BNC2: variants seen among roughly 807,000 people sequenced by gnomAD.
BNC2 encodes the protein zinc finger protein basonuclin-2.
A neutral mutation model predicts 76.3 loss-of-function variants in BNC2; 20 were observed. That is an observed-to-expected ratio of 0.26 (90% CI 0.18 to 0.38). BNC2 has a LOEUF of 0.38. Among genes scored for constraint, BNC2 ranks in the 10% least tolerant of loss-of-function variants. BNC2 has a pLI of 1.00. For synonymous variants in BNC2, 582 were observed against 514.8 expected, an observed-to-expected ratio of 1.13 and a Z score of -1.77; for missense variants, 1,382 against 1,399.8, an observed-to-expected ratio of 0.99 and a Z score of 0.20.
intron 5 of BNC2, among the ~76,000 whole-genome samples, chr9:16,454,943 G>T (rs575450085): frequency 7.9e-5 from 12 of 152,110 alleles, no homozygotes; most frequent in African/African-American, 2.9e-4. Context: ...AGTTTTAAGG[G>T]CAAAAACTTA....
chr9:16,619,695 G>T (rs1004425418), intron 3 of BNC2, among the ~76,000 whole-genome samples: 6 of 152,080 alleles, frequency 3.9e-5, no homozygotes, highest in Non-Finnish European at 8.8e-5. Flanking sequence ...TAATACTTTT[G>T]ACTTACCAGA....
At position 16,418,985 on chromosome 9, in the gene BNC2, G is replaced by A. The variant is rs576883733; in HGVS notation, c.*4C>T. The A allele has an allele frequency of 1.9e-6, 3 of 1,613,968 alleles. No homozygotes were observed. The highest frequency in any genetic ancestry group is 2.2e-5 in the East Asian group (1 of 44,824). Reference sequence around the variant, plus strand: ...AGCTGGCATTTGTAGTGTCCATTCTGAGACTAATCTACTGAAGTGAAGGGA... The same window carrying A: ...AGCTGGCATTTGTAGTGTCCATTCTAAGACTAATCTACTGAAGTGAAGGGA... On this transcript the variant is annotated 3_prime_UTR_variant, in exon 7 of 7. Transcript: ENST00000380672.
chr9:16,864,020 T>C (rs886888480), intron 1 of BNC2, among the ~76,000 whole-genome samples: 2 of 152,178 alleles, frequency 1.3e-5, no homozygotes, highest in African/African-American at 4.8e-5. Context: ...AAAAGGTAAT[T>C]CTCTTCATCT....
rs371764093 is a variant in BNC2, at chr9:16,486,672, G to T, written c.670-49148C>A. 3.9e-5 allele frequency among the ~76,000 whole-genome samples: 6 copies of T among 151,990 alleles called. No individual in the cohort carries two copies. In the East Asian group the frequency reaches 1.2e-3, roughly 30 times the overall value. Reference sequence around the variant, plus strand: ...CTTTCTGTTCTTTAAAGTTCTCCTGGGTTTCTATAGGGATGCAAATTATTA... The same window carrying T: ...CTTTCTGTTCTTTAAAGTTCTCCTGTGTTTCTATAGGGATGCAAATTATTA... On this transcript the variant is annotated intron_variant, in intron 5 of 6. Coordinates refer to ENST00000380672, the MANE Select transcript of BNC2 (RefSeq NM_017637.6).
chr9:16,743,468 C>A (rs7857721), intron 1 of BNC2, among the ~76,000 whole-genome samples: 137,747 of 152,258 alleles, frequency 0.9, 62,333 homozygotes, highest in Non-Finnish European at 0.92. Context: ...TTTCTTCAGA[C>A]GGAGTTATTT....
chr9:16,732,162 A>AAAAAAAAGAAAAAAG (rs59888253), intron 2 of BNC2, among the ~76,000 whole-genome samples: 4 of 123,588 alleles, frequency 3.2e-5, no homozygotes, highest in Non-Finnish European at 5.1e-5. Flanking sequence ...TCCTGCAAAA[A>AAAAAAAAGAAAAAAG]AAAAAGAAAA....
intron 4 of BNC2, among the ~76,000 whole-genome samples, chr9:16,564,991 A>G (rs1819128081): frequency 6.6e-6 from 1 of 150,980 alleles, no homozygotes; most frequent in African/African-American, 2.4e-5. Context: ...ATCACTTTAA[A>G]CTCTTCCATT....
intron 3 of BNC2, among the ~76,000 whole-genome samples, chr9:16,619,526 T>G (rs1820805640): frequency 6.6e-6 from 1 of 152,176 alleles, no homozygotes; most frequent in Admixed American, 6.5e-5. Context: ...GAAATGCTCT[T>G]GTCCATGGGT....
intron 3 of BNC2, among the ~76,000 whole-genome samples, chr9:16,628,521 G>T (rs548586170): frequency 6.6e-6 from 1 of 152,140 alleles, no homozygotes; most frequent in African/African-American, 2.4e-5. Context: ...AAAAGTGTGC[G>T]TATTTATGTA....
At chr9:16,771,399 G>A (rs1215915678) in intron 1 of BNC2, among the ~76,000 whole-genome samples, 4 of 152,150 alleles carry the variant, frequency 2.6e-5, no homozygotes, top group African/African-American at 7.2e-5. Flanking sequence ...CCAGGTATGT[G>A]AGATCAAAAC....
intron 4 of BNC2, among the ~76,000 whole-genome samples, chr9:16,558,300 T>C (rs577190962): frequency 1.9e-3 from 286 of 152,362 alleles, no homozygotes; most frequent in African/African-American, 6.6e-3. Context: ...TTAGAACTAC[T>C]GGGAATTTCT....
chr9:16,755,668 G>A (rs571839358), intron 1 of BNC2, among the ~76,000 whole-genome samples: 1 of 152,076 alleles, frequency 6.6e-6, no homozygotes, highest in East Asian at 1.9e-4. Flanking sequence ...CACTATGAAT[G>A]CACTCCTGTC....
chr9:16,699,767 T>C (rs1039788642), intron 3 of BNC2, among the ~76,000 whole-genome samples: 1 of 152,178 alleles, frequency 6.6e-6, no homozygotes, highest in African/African-American at 2.4e-5. Flanking sequence ...CAAAGTCACA[T>C]AGGAAAGAGA....
intron 6 of BNC2, chr9:16,421,336 A>G (rs1167573060): frequency 8.2e-7 from 1 of 1,224,202 alleles, no homozygotes; most frequent in Non-Finnish European, 1.1e-6. Flanking sequence ...AGAGACAGAG[A>G]GAGAGAAAGA....
At chr9:16,616,168 T>C (rs2133501898) in intron 3 of BNC2, among the ~76,000 whole-genome samples, 1 of 151,440 alleles carries the variant, frequency 6.6e-6, no homozygotes. Flanking sequence ...GGGAGGATCA[T>C]TTGAGTCCAG....
chr9:16,686,249 A>G (rs961551788), intron 3 of BNC2, among the ~76,000 whole-genome samples: 6 of 152,296 alleles, frequency 3.9e-5, no homozygotes, highest in Admixed American at 1.3e-4. Context: ...TAATAAAAAA[A>G]CAAGGTTAAA....
At chr9:16,604,954 T>C (rs998983739) in intron 3 of BNC2, among the ~76,000 whole-genome samples, 2 of 152,212 alleles carry the variant, frequency 1.3e-5, no homozygotes, top group African/African-American at 4.8e-5. Flanking sequence ...GTAAAGCTAA[T>C]AAGGCTACTG....
intron 6 of BNC2, among the ~76,000 whole-genome samples, chr9:16,428,194 T>C (rs1224194681): frequency 1.3e-5 from 2 of 152,198 alleles, no homozygotes; most frequent in Admixed American, 6.5e-5. Flanking sequence ...TTTATTGAAT[T>C]GGGACTGACT....
At chr9:16,438,271 T>C (rs1257523860) in intron 5 of BNC2, among the ~76,000 whole-genome samples, 1 of 152,212 alleles carries the variant, frequency 6.6e-6, no homozygotes, top group Non-Finnish European at 1.5e-5. Context: ...TATTTGACTT[T>C]TTATGATCTT....
Sources: allele counts gnomAD v4.1 joint callset (sites outside exome capture counted in the v4.1 genomes callset), GRCh38; gene constraint gnomAD v4.1.1; transcripts MANE v1.5; gene names NCBI Gene and HGNC (gene_info 2026-07-23, HGNC 2026-07-21).